Variants in RHOBTB3 observed in about 807,000 individuals in gnomAD.
RHOBTB3 encodes the protein Rho related BTB domain containing 3, also known as rho-related BTB domain-containing protein 3.
RHOBTB3 carries 47 observed loss-of-function variants against 67.2 expected under a neutral mutation model. The ratio of observed to expected loss-of-function variants is 0.70; its 90% CI spans 0.55 to 0.89. The LOEUF is 0.89. Among genes scored for constraint, RHOBTB3 ranks in the 40% least tolerant of loss-of-function variants. The probability of loss-of-function intolerance (pLI) is 0.00; values close to 1 mark genes in which losing one functional copy is unlikely to be tolerated. For synonymous variants in RHOBTB3, 273 were observed against 274.2 expected (o/e 1.00, Z 0.04); for missense variants, 631 against 750.0 (o/e 0.84, Z 1.85).
At chr5:95,752,418 A>G in intron 5 of RHOBTB3, 68 bp downstream of exon 5, 1 of 1,044,746 alleles carries the variant, frequency 9.6e-7, no homozygotes, top group Non-Finnish European at 1.4e-6. Context: ...CACAGGTCTT[A>G]GAGCAATTAT....
intron 3 of RHOBTB3, among the ~76,000 whole-genome samples, chr5:95,747,763 G>A (rs756458054): frequency 7.9e-5 from 12 of 152,152 alleles, no homozygotes; most frequent in Non-Finnish European, 1.6e-4. Context: ...AGTCAAATGC[G>A]TTAGAGTTTA....
At chr5:95,739,847 A>G (rs1207748843) in intron 3 of RHOBTB3, among the ~76,000 whole-genome samples, 2 of 152,236 alleles carry the variant, frequency 1.3e-5, no homozygotes, top group East Asian at 1.9e-4. Context: ...ACCTGGCAAC[A>G]GATCTTTTTA....
In RHOBTB3 at chr5:95,748,322, T is replaced by C. The variant is rs761187620; in HGVS notation, c.416-11T>C. The C allele has an allele frequency of 2.0e-5, 32 of 1,574,738 alleles. No homozygotes were observed. The East Asian group carries it at 7.0e-4, about 34-fold the overall frequency. The stretch of plus-strand genomic sequence containing the variant: ...TTTCGAAACTCTTTGTTTTAAAATT[T>C]GTTTTCTCAGAAGAGTTACCTTGTA... On this transcript the variant is annotated splice_polypyrimidine_tract_variant and intron_variant, in intron 3 of 11. Transcript: ENST00000379982.
chr5:95,741,100 G>A (rs939260471), intron 3 of RHOBTB3, among the ~76,000 whole-genome samples: 1 of 152,018 alleles, frequency 6.6e-6, no homozygotes, highest in Non-Finnish European at 1.5e-5. Context: ...AGGCCGACGC[G>A]GGTGGATCAT....
chr5:95,725,481 T>C (rs562262807), intron 1 of RHOBTB3, among the ~76,000 whole-genome samples: 1 of 152,388 alleles, frequency 6.6e-6, no homozygotes, highest in South Asian at 2.1e-4. Context: ...GCGTCATGTG[T>C]GCACACACAC....
intron 11 of RHOBTB3, among the ~76,000 whole-genome samples, chr5:95,792,642 A>C (rs1252916408): frequency 8.3e-5 from 12 of 144,514 alleles, no homozygotes; most frequent in Non-Finnish European, 1.7e-4. Context: ...AATACAAAAA[A>C]TTAGCTGGGC....
chr5:95,754,096 AAAAAG>A (rs890490396), intron 5 of RHOBTB3, among the ~76,000 whole-genome samples: 43 of 152,282 alleles, frequency 2.8e-4, no homozygotes, highest in African/African-American at 4.3e-4. Flanking sequence ...TGTCTCAAAA[AAAAAG>A]AAAAGAAAAG....
In RHOBTB3 at chr5:95,793,451, T is replaced by TTTAG; in HGVS notation, c.*278_*281dup. 1 of 258,570 alleles carries TTTAG rather than the reference T, an allele frequency of 3.9e-6. No individual in the cohort carries two copies. The highest frequency in any genetic ancestry group is 7.3e-6 in the Non-Finnish European group (1 of 137,646). The allele number at this position is 258,570 out of a possible 1,614,324, so 16.0% of individuals were successfully genotyped here. Reference sequence around the variant, plus strand: ...AAGATGTCCTGTTGCTTTAGTGATATTTAGACCCCTCTCAGTTAAGAAATG... The same window carrying TTTAG: ...AAGATGTCCTGTTGCTTTAGTGATATTTAGTTAGACCCCTCTCAGTTAAGAAATG... On this transcript the variant is annotated 3_prime_UTR_variant, in exon 12 of 12. Coordinates refer to ENST00000379982, the MANE Select transcript of RHOBTB3 (RefSeq NM_014899.4).
At position 95,755,541 on chromosome 5, in the gene RHOBTB3, T is replaced by C; in HGVS notation, c.828T>C (p.Ala276=). 1.2e-6 allele frequency: 2 copies of C among 1,614,190 alleles called. No individual in the cohort carries two copies. The highest frequency in any genetic ancestry group is 1.7e-6 in the Non-Finnish European group (2 of 1,180,024). The change falls in exon 6 of 12, where the codon GCT becomes GCC. Residue 276 remains alanine (A), a synonymous_variant. Transcript: ENST00000379982. ...VVEAHKIVLC[A]VSHVFMLLFN... is the part of the protein sequence containing the mutation. ...AGGCCCACAAGATCGTTCTCTGCGC[T>C]GTAAGCCATGTTTTCATGCTGCTTT...
chr5:95,728,446 C>T (rs555781633), upstream of RHOBTB3, among the ~76,000 whole-genome samples: 47 of 152,188 alleles, frequency 3.1e-4, no homozygotes, highest in Middle Eastern at 3.2e-3. Flanking sequence ...TCTATTAAGA[C>T]CTAAGACAAT....
intron 4 of RHOBTB3, among the ~76,000 whole-genome samples, chr5:95,751,823 T>C (rs1745099123): frequency 6.6e-6 from 1 of 152,212 alleles, no homozygotes; most frequent in Admixed American, 6.5e-5. Flanking sequence ...TCGTTTAGGA[T>C]AATGGCCTCT....
At chr5:95,744,026 T>TTTCC (rs1755678946) in intron 3 of RHOBTB3, among the ~76,000 whole-genome samples, 1 of 146,544 alleles carries the variant, frequency 6.8e-6, no homozygotes, top group African/African-American at 2.5e-5. Context: ...CCCTTCCTTC[T>TTTCC]TTCCTTCCTT....
intron 1 of RHOBTB3, among the ~76,000 whole-genome samples, chr5:95,719,246 G>A (rs984441519): frequency 2.6e-5 from 4 of 152,096 alleles, no homozygotes; most frequent in South Asian, 2.1e-4. Context: ...AGAGACAGAC[G>A]GGAGTATAGT....
In RHOBTB3 at chr5:95,793,946, C is replaced by T. The variant is rs1425286943; in HGVS notation, c.*772C>T. 5 of 452,952 alleles carry T rather than the reference C, an allele frequency of 1.1e-5. No individual in the cohort carries two copies. The highest frequency in any genetic ancestry group is 1.0e-4 in the African/African-American group (5 of 49,822). The allele number at this position is 452,952 out of a possible 1,614,324, so 28.1% of individuals were successfully genotyped here. The stretch of plus-strand genomic sequence containing the variant: ...ATGATTTCATTTTGTGCTGAGCCCT[C>T]AAAATTATGTCTGTTTCGTGGTGGG... On this transcript the variant is annotated 3_prime_UTR_variant, in exon 12 of 12. Transcript: ENST00000379982.
At chr5:95,786,697 C>T (rs1015564470) in intron 10 of RHOBTB3, among the ~76,000 whole-genome samples, 8 of 152,198 alleles carry the variant, frequency 5.3e-5, no homozygotes, top group African/African-American at 1.9e-4. Flanking sequence ...TTTCCAGGTA[C>T]TTTCTTGTGA....
chr5:95,739,409 C>T (rs1289598320), intron 3 of RHOBTB3, among the ~76,000 whole-genome samples: 1 of 152,088 alleles, frequency 6.6e-6, no homozygotes, highest in Non-Finnish European at 1.5e-5. Context: ...CTCAAACTTA[C>T]ACAATTTGGG....
intron 5 of RHOBTB3, among the ~76,000 whole-genome samples, chr5:95,753,925 C>T (rs1195633329): frequency 6.6e-6 from 1 of 152,130 alleles, no homozygotes; most frequent in Non-Finnish European, 1.5e-5. Flanking sequence ...GTCTGGCCAA[C>T]ATGGTGAAAC....
In RHOBTB3 at chr5:95,736,914, C is replaced by G; in HGVS notation, c.254C>G (p.Thr85Ser). ...GACATATTTGACAGTGATTGGTACA[C>G]TTCTCGAAATCTAATTGGGGGCGCT... ...VWDIFDSDWY[T>S]SRNLIGGADI... Residue 85 changes from threonine (T) to serine (S), a missense_variant, in exon 3 of 12, where the codon ACT (threonine) becomes AGT (serine). Thr to Ser is a moderately conservative substitution (Grantham distance 58). Coordinates refer to ENST00000379982, the MANE Select transcript of RHOBTB3 (RefSeq NM_014899.4). 2 of 1,609,994 alleles carry G rather than the reference C, an allele frequency of 1.2e-6. No individual in the cohort carries two copies. The highest frequency in any genetic ancestry group is 2.2e-5 in the South Asian group (2 of 90,028).
At position 95,780,292 on chromosome 5, in the gene RHOBTB3, T is replaced by A; in HGVS notation, c.1323T>A (p.Arg441=). The A allele has an allele frequency of 6.2e-7, 1 of 1,613,932 alleles. No homozygotes were observed. Among genetic ancestry groups the A allele is most frequent in the Admixed American group, 1.7e-5 (1 of 60,022 alleles). ...CCCACAGGGCCATCCTGGTGGCCCGTTGTGAAGTGATGGCAGCCATGTTTA... is the reference window on the plus strand; with the variant it reads ...CCCACAGGGCCATCCTGGTGGCCCGATGTGAAGTGATGGCAGCCATGTTTA... The part of the protein sequence containing the change: ...VPAHRAILVA[R]CEVMAAMFNG... The change falls in exon 9 of 12, where the codon CGT becomes CGA. Residue 441 remains arginine (R), a synonymous_variant. Coordinates refer to ENST00000379982, the MANE Select transcript of RHOBTB3 (RefSeq NM_014899.4).
Sources: gnomAD v4.1 joint callset for allele counts (sites outside exome capture counted in the v4.1 genomes callset) on GRCh38, gnomAD v4.1.1 for gene constraint, MANE v1.5 for transcripts, NCBI Gene and HGNC (gene_info 2026-07-23, HGNC 2026-07-21) for gene names.